PAPOLG: variants seen among roughly 807,000 people sequenced by gnomAD.
PAPOLG encodes the protein PAP-gamma.
In PAPOLG, 40 loss-of-function variants were observed where a neutral mutation model predicts 99.0. That is an observed-to-expected ratio of 0.40 (90% CI 0.31 to 0.53). The LOEUF is 0.53. Ranked by LOEUF, PAPOLG falls within the 20% of genes least tolerant of loss-of-function variation. The pLI is 0.41. For missense variants in PAPOLG, 675 were observed against 884.1 expected, an observed-to-expected ratio of 0.76 and a Z score of 3.00; for synonymous variants, 310 against 299.3, an observed-to-expected ratio of 1.04 and a Z score of -0.37.
At chr2:60,796,973 C>T in intron 21 of PAPOLG, 89 bp from the exon 22 acceptor site, 1 of 1,536,702 alleles carries the variant, frequency 6.5e-7, no homozygotes, top group East Asian at 2.3e-5. Context: ...GAGAAAAACT[C>T]CCCAAGTTTT....
chr2:60,778,137 C>G (rs1335151221), intron 8 of PAPOLG, among the ~76,000 whole-genome samples: 2 of 151,866 alleles, frequency 1.3e-5, no homozygotes, highest in African/African-American at 4.8e-5. Context: ...CGAGGTATGC[C>G]TTTATATTTT....
chr2:60,797,335 A>G lies in PAPOLG; in HGVS notation c.*175A>G. On this transcript the variant is annotated 3_prime_UTR_variant, in exon 22 of 22. Coordinates refer to ENST00000238714, the MANE Select transcript of PAPOLG (RefSeq NM_022894.4). ...TCAAACTTTGACCTGTAGATGCTGT[A>G]GCATTCTCTCACTGATTGCTACATA... 1.4e-6 allele frequency: 1 copy of G among 708,608 alleles called. No individual in the cohort carries two copies. The highest frequency in any genetic ancestry group is 2.3e-6 in the Non-Finnish European group (1 of 429,648). 43.9% of individuals were successfully genotyped at this position (708,608 alleles called of 1,614,324 possible). A position where few individuals can be genotyped will look rare whatever the true frequency, so the allele number is the denominator to read the frequency against.
At position 60,782,018 on chromosome 2, in the gene PAPOLG, C is replaced by T; in HGVS notation, c.1027+13C>T. The T allele has an allele frequency of 1.2e-6, 2 of 1,611,828 alleles. No individual in the cohort carries two copies. The highest frequency in any genetic ancestry group is 1.7e-6 in the Non-Finnish European group (2 of 1,178,090). On this transcript the variant is annotated intron_variant, in intron 11 of 21. Coordinates refer to ENST00000238714, the MANE Select transcript of PAPOLG (RefSeq NM_022894.4). ...GAATTTAAACAAGGTAAACATGTGG[C>T]CCTGTTGCCCTTTACATATTCCCAC...
At chr2:60,785,258 C>A (rs1442422822) in intron 13 of PAPOLG, among the ~76,000 whole-genome samples, 5 of 151,984 alleles carry the variant, frequency 3.3e-5, no homozygotes, top group Non-Finnish European at 7.4e-5. Flanking sequence ...CCTGCCTCAG[C>A]CTGGCAAGCA....
In PAPOLG at chr2:60,758,116, A is replaced by G. The variant is rs199710893; in HGVS notation, c.17+1621A>G. ...ATTGCGATTGAGTGATACTATATAG[A>G]TATGTAGATAATTACTCTGTCCTAT... On this transcript the variant is annotated intron_variant, in intron 1 of 21. Transcript: ENST00000238714. 2.6e-5 allele frequency among the ~76,000 whole-genome samples: 4 copies of G among 152,288 alleles called. No individual in the cohort carries two copies. The East Asian group carries it at 7.7e-4, about 29-fold the overall frequency.
intron 15 of PAPOLG, among the ~76,000 whole-genome samples, chr2:60,789,938 A>C (rs925621077): frequency 6.6e-6 from 1 of 152,146 alleles, no homozygotes; most frequent in Non-Finnish European, 1.5e-5. Flanking sequence ...TACTAAATAT[A>C]CAAAAATTAG....
At chr2:60,756,858 A>G (rs1021834127) in intron 1 of PAPOLG, among the ~76,000 whole-genome samples, 2 of 151,856 alleles carry the variant, frequency 1.3e-5, no homozygotes, top group African/African-American at 4.8e-5. Context: ...CGCAAATACC[A>G]TCCCCCTGCC....
chr2:60,760,016 T>A, intron 1 of PAPOLG, 118 bp from the exon 2 acceptor site: 1 of 1,029,210 alleles, frequency 9.7e-7, no homozygotes, highest in Non-Finnish European at 1.4e-6. Context: ...CCACTACTGT[T>A]ATTACTAAGT....
At chr2:60,761,646 AG>A (rs1336573384) in intron 2 of PAPOLG, 94 bp from the exon 3 acceptor site, 2 of 1,022,062 alleles carry the variant, frequency 2.0e-6, no homozygotes, top group African/African-American at 3.2e-5. Flanking sequence ...GTTTTACCCC[AG>A]CATCAACACA....
At chr2:60,781,171 C>T (rs551770024) in intron 10 of PAPOLG, among the ~76,000 whole-genome samples, 4 of 152,238 alleles carry the variant, frequency 2.6e-5, no homozygotes, top group Non-Finnish European at 4.4e-5. Context: ...GCCTGGCCAA[C>T]GTGGTGAAAC....
chr2:60,776,257 T>G (rs1273270965), intron 8 of PAPOLG, among the ~76,000 whole-genome samples: 1 of 151,942 alleles, frequency 6.6e-6, no homozygotes, highest in Non-Finnish European at 1.5e-5. Context: ...TTCTGAGCAG[T>G]AGATCTCACC....
In PAPOLG at chr2:60,783,324, CTTTTTT is replaced by C. The variant is rs72172236; in HGVS notation, c.1166+130_1166+135del. On this transcript the variant is annotated intron_variant, in intron 13 of 21. Coordinates refer to ENST00000238714, the MANE Select transcript of PAPOLG (RefSeq NM_022894.4). ...CTTGATTTTCAAAATTATTATATCTCTTTTTTTTTTTTTTTTTTTTGAGACAAAGTC... is the reference window on the plus strand; with the variant it reads ...CTTGATTTTCAAAATTATTATATCTCTTTTTTTTTTTTTTGAGACAAAGTC... The C allele has an allele frequency of 8.5e-4, 135 of 158,370 alleles. 1 individual carries two copies. The South Asian group carries it at 0.021, about 24-fold the overall frequency. The allele number at this position is 158,370 out of a possible 1,614,324, so 9.8% of individuals were successfully genotyped here. A position where few individuals can be genotyped will look rare whatever the true frequency, so the allele number is the denominator to read the frequency against.
intron 3 of PAPOLG, among the ~76,000 whole-genome samples, chr2:60,766,679 TAA>T (rs35841274): frequency 3.3e-4 from 43 of 131,952 alleles, no homozygotes; most frequent in Non-Finnish European, 3.9e-4. Context: ...TCCATCTGTT[TAA>T]AAAAAAAAAA....
intron 15 of PAPOLG, among the ~76,000 whole-genome samples, chr2:60,790,458 A>C (rs1365792727): frequency 6.6e-6 from 1 of 152,232 alleles, no homozygotes; most frequent in East Asian, 1.9e-4. Flanking sequence ...ATTTACAATT[A>C]AAACATTAAG....
At chr2:60,792,683 C>T (rs1174981983) in intron 17 of PAPOLG, among the ~76,000 whole-genome samples, 1 of 152,100 alleles carries the variant, frequency 6.6e-6, no homozygotes, top group Non-Finnish European at 1.5e-5. Context: ...CTGCTGGAGC[C>T]CAGGAGTTCC....
intron 5 of PAPOLG, among the ~76,000 whole-genome samples, chr2:60,769,923 C>A (rs779627441): frequency 6.6e-6 from 1 of 151,628 alleles, no homozygotes; most frequent in African/African-American, 2.4e-5. Flanking sequence ...CTCCCTTGTC[C>A]CCCACCCCCC....
chr2:60,794,443 G>T (rs114574145), intron 19 of PAPOLG: 1 of 573,268 alleles, frequency 1.7e-6, no homozygotes, highest in East Asian at 3.0e-5. Context: ...CTCATTTCTT[G>T]TGTGTTGATA....
chr2:60,787,048 A>G lies in PAPOLG; in HGVS notation c.1268A>G (p.Asn423Ser). Residue 423 changes from asparagine (N) to serine (S), a missense_variant, in exon 14 of 22, where the codon AAT (asparagine) becomes AGT (serine). Coordinates refer to ENST00000238714, the MANE Select transcript of PAPOLG (RefSeq NM_022894.4). Reference protein sequence around the residue: ...AHVNPQSFPGNKEHHKDNNYV... With the variant: ...AHVNPQSFPGSKEHHKDNNYV... ...GTGAATCCCCAGTCATTCCCAGGGA[A>G]TAAGGAACATCATAAAGAGTAAGTT... The G allele has an allele frequency of 6.2e-7, 1 of 1,608,210 alleles. No individual in the cohort carries two copies. Among genetic ancestry groups the G allele is most frequent in the Non-Finnish European group, 8.5e-7 (1 of 1,176,718 alleles).
chr2:60,782,546 G>A (rs1671221161), intron 11 of PAPOLG, 140 bp from the exon 12 acceptor site: 2 of 1,290,610 alleles, frequency 1.5e-6, no homozygotes, highest in Non-Finnish European at 2.0e-6. Context: ...GACAGAGTGA[G>A]ACTCTGTCTC....
Sources: allele counts gnomAD v4.1 joint callset (sites outside exome capture counted in the v4.1 genomes callset), GRCh38; gene constraint gnomAD v4.1.1; transcripts MANE v1.5; gene names NCBI Gene and HGNC (gene_info 2026-07-23, HGNC 2026-07-21).